The following MALRD1 variants were observed in gnomAD, a reference collection of about 807,000 sequenced individuals.
MALRD1 encodes MAM and LDL receptor class A domain containing 1, also known as MAM and LDL-receptor class A domain-containing protein 1.
A neutral mutation model predicts 242.1 loss-of-function variants in MALRD1; 247 were observed. The ratio of observed to expected loss-of-function variants is 1.02; its 90% CI spans 0.92 to 1.13. The LOEUF is 1.13. Among genes scored for constraint, MALRD1 ranks in the 50% most tolerant of loss-of-function variants. The probability of loss-of-function intolerance (pLI) is 0.00; values close to 1 mark genes in which losing one functional copy is unlikely to be tolerated. For missense variants in MALRD1, 2,989 were observed against 2,533.1 expected (o/e 1.18, Z -3.86); for synonymous variants, 995 against 866.6 (o/e 1.15, Z -2.60).
intron 33 of MALRD1, among the ~76,000 whole-genome samples, chr10:19,582,522 C>CA (rs1240372179): frequency 7.4e-6 from 1 of 134,830 alleles, no homozygotes; most frequent in Non-Finnish European, 1.7e-5. Flanking sequence ...TGTCAAAGAT[C>CA]AGATAGTTGT....
At chr10:19,596,854 CAG>C (rs1297984634) in intron 34 of MALRD1, among the ~76,000 whole-genome samples, 2 of 140,894 alleles carry the variant, frequency 1.4e-5, no homozygotes, top group South Asian at 4.5e-4. Context: ...GAGGGAGGGA[CAG>C]AGAGGAGGAA....
chr10:19,382,647 G>T (rs1003119590), intron 26 of MALRD1, among the ~76,000 whole-genome samples: 1 of 151,946 alleles, frequency 6.6e-6, no homozygotes, highest in African/African-American at 2.4e-5. Context: ...TCTTGATCCG[G>T]GCTTTCTTCT....
At chr10:19,173,285 T>C (rs1354716082) in intron 13 of MALRD1, among the ~76,000 whole-genome samples, 2 of 152,112 alleles carry the variant, frequency 1.3e-5, no homozygotes, top group Non-Finnish European at 2.9e-5. Context: ...TGAATTTCTT[T>C]CCATAATGAC....
At chr10:19,280,321 T>A in intron 20 of MALRD1, 98 bp downstream of exon 20, 1 of 929,950 alleles carries the variant, frequency 1.1e-6, no homozygotes, top group East Asian at 3.1e-5. Flanking sequence ...GTTAGATATA[T>A]TCAACATGAG....
chr10:19,644,926 C>T (rs1199288545), intron 36 of MALRD1, among the ~76,000 whole-genome samples: 2 of 152,046 alleles, frequency 1.3e-5, no homozygotes, highest in Admixed American at 6.6e-5. Context: ...ATCTATTGTC[C>T]ATGTGGAGTA....
intron 28 of MALRD1, among the ~76,000 whole-genome samples, chr10:19,443,092 T>G (rs965624546): frequency 1.3e-5 from 2 of 152,236 alleles, no homozygotes; most frequent in Non-Finnish European, 2.9e-5. Flanking sequence ...CTAGATTTTC[T>G]AGTTTATTTG....
chr10:19,606,655 A>C (rs776970292), intron 34 of MALRD1, among the ~76,000 whole-genome samples: 22 of 152,098 alleles, frequency 1.4e-4, no homozygotes, highest in Non-Finnish European at 2.2e-4. Flanking sequence ...GAGTTATCCC[A>C]TTAAACACTC....
intron 1 of MALRD1, among the ~76,000 whole-genome samples, chr10:19,055,486 A>C (rs1443534688): frequency 6.6e-6 from 1 of 152,146 alleles, no homozygotes; most frequent in Non-Finnish European, 1.5e-5. Flanking sequence ...TACCAATGTC[A>C]TGGAGCTTTT....
intron 32 of MALRD1, among the ~76,000 whole-genome samples, chr10:19,550,321 G>A (rs1208687313): frequency 1.3e-5 from 2 of 152,042 alleles, no homozygotes; most frequent in African/African-American, 2.4e-5. Flanking sequence ...AAGTTTTAGT[G>A]TAACAAAGTA....
Position 19,237,611 on chromosome 10 carries a change from ATT to A in MALRD1, c.2992-20072_2992-20071del, listed in dbSNP as rs1774271868. ...ATATAATTATATAATTATAATTATA[ATT>A]ATATAATTATATAATTATAATTATA... On this transcript the variant is annotated intron_variant, in intron 18 of 39. Transcript: ENST00000454679. Among the ~76,000 whole-genome samples, 13 of 8,086 alleles carry A rather than the reference ATT, an allele frequency of 1.6e-3. No homozygotes were observed. The Admixed American group carries it at 0.03, about 18-fold the overall frequency. The allele number at this position is 8,086 out of a possible 152,430, so 5.3% of individuals were successfully genotyped here.
At chr10:19,326,030 A>T (rs561880657) in intron 22 of MALRD1, among the ~76,000 whole-genome samples, 266 of 104,380 alleles carry the variant, frequency 2.5e-3, no homozygotes, top group South Asian at 0.01. Flanking sequence ...ATTTCATATC[A>T]ATTTTAGAAT....
intron 36 of MALRD1, among the ~76,000 whole-genome samples, chr10:19,635,345 G>C (rs140982445): frequency 2.6e-5 from 4 of 152,148 alleles, no homozygotes; most frequent in African/African-American, 9.7e-5. Context: ...ATGTGTTTAT[G>C]TAAGTGTGTT....
intron 36 of MALRD1, among the ~76,000 whole-genome samples, chr10:19,652,687 G>A (rs1295352555): frequency 2.6e-5 from 4 of 152,096 alleles, no homozygotes; most frequent in Non-Finnish European, 5.9e-5. Flanking sequence ...AGAACTACCA[G>A]CTTACCAGGA....
chr10:19,145,262 C>G (rs1386718610), intron 10 of MALRD1, among the ~76,000 whole-genome samples: 1 of 152,070 alleles, frequency 6.6e-6, no homozygotes, highest in Non-Finnish European at 1.5e-5. Context: ...AAAGTATGCT[C>G]CAAACCCCGA....
intron 38 of MALRD1, among the ~76,000 whole-genome samples, chr10:19,694,292 C>G (rs1467226384): frequency 6.6e-6 from 1 of 152,096 alleles, no homozygotes; most frequent in African/African-American, 2.4e-5. Flanking sequence ...AACAGGCAAC[C>G]TACAGAATGG....
In MALRD1 at chr10:19,251,342, A is replaced by G. The variant is rs1012558765; in HGVS notation, c.2992-6342A>G. 1.5e-4 allele frequency among the ~76,000 whole-genome samples: 23 copies of G among 151,990 alleles called. 1 individual carries two copies. The highest frequency in any genetic ancestry group is 1.4e-3 in the Admixed American group (21 of 15,224). Reference sequence around the variant, plus strand: ...GAGACATTTGCTTACATTCCAGAGTAAAAATAAGCTCTTCTTGCCACCTCT... The same window carrying G: ...GAGACATTTGCTTACATTCCAGAGTGAAAATAAGCTCTTCTTGCCACCTCT... On this transcript the variant is annotated intron_variant, in intron 18 of 39. Coordinates refer to ENST00000454679, the MANE Select transcript of MALRD1 (RefSeq NM_001142308.3).
chr10:19,066,380 G>A (rs1205608574), intron 1 of MALRD1, among the ~76,000 whole-genome samples: 2 of 152,126 alleles, frequency 1.3e-5, no homozygotes, highest in East Asian at 3.9e-4. Context: ...GGATGTTATT[G>A]TTCTAATTTT....
At chr10:19,275,444 A>G (rs1000697490) in intron 19 of MALRD1, among the ~76,000 whole-genome samples, 4 of 152,124 alleles carry the variant, frequency 2.6e-5, no homozygotes, top group Admixed American at 6.6e-5. Context: ...CAAGGCGGGC[A>G]GATCACGAGG....
At chr10:19,611,109 C>A (rs1279432381) in intron 35 of MALRD1, among the ~76,000 whole-genome samples, 1 of 151,972 alleles carries the variant, frequency 6.6e-6, no homozygotes, top group Non-Finnish European at 1.5e-5. Context: ...ACACCATTCA[C>A]TAGTATAAAA....
Sources: gnomAD v4.1 joint callset for allele counts (sites outside exome capture counted in the v4.1 genomes callset) on GRCh38, gnomAD v4.1.1 for gene constraint, MANE v1.5 for transcripts, NCBI Gene and HGNC (gene_info 2026-07-23, HGNC 2026-07-21) for gene names.